ARHGAP33: variants seen among roughly 807,000 people sequenced by gnomAD.
ARHGAP33 encodes Rho GTPase activating protein 33.
In ARHGAP33, 57 loss-of-function variants were observed where a neutral mutation model predicts 126.2. That is an observed-to-expected ratio of 0.45 (90% CI 0.36 to 0.56). The LOEUF (loss-of-function observed/expected upper bound fraction) is 0.56. ARHGAP33 is among the 20% of genes least tolerant of loss of function. ARHGAP33 has a pLI of 0.00. For missense variants in ARHGAP33, 1,500 were observed against 1,748.3 expected (o/e 0.86, Z 2.53); for synonymous variants, 711 against 755.0 (o/e 0.94, Z 0.95).
rs1243743929 is a variant in ARHGAP33, at chr19:35,780,087, G to T, written c.502-124G>T. On this transcript the variant is annotated intron_variant, in intron 6 of 20. Transcript: ENST00000007510. ...CAGGAATCTAGGTGTTTGACCAATAGCTCTGAGTGACAGGGGCTCTTGACG... is the reference window on the plus strand; with the variant it reads ...CAGGAATCTAGGTGTTTGACCAATATCTCTGAGTGACAGGGGCTCTTGACG... 3.7e-6 allele frequency: 5 copies of T among 1,354,890 alleles called. No homozygotes were observed. The South Asian group carries it at 5.1e-5, about 14-fold the overall frequency. The allele number at this position is 1,354,890 out of a possible 1,614,324, so 83.9% of individuals were successfully genotyped here.
chr19:35,780,094 G>A (rs945941269), intron 6 of ARHGAP33, 117 bp from the exon 7 acceptor site: 25 of 1,404,126 alleles, frequency 1.8e-5, no homozygotes, highest in Non-Finnish European at 2.4e-5. Flanking sequence ...ATAGCTCTGA[G>A]TGACAGGGGC....
rs1038112417 is a variant in ARHGAP33, at chr19:35,786,374, C to T, written c.1943-39C>T. 2.7e-6 allele frequency: 4 copies of T among 1,500,152 alleles called. No individual in the cohort carries two copies. The highest frequency in any genetic ancestry group is 3.5e-6 in the Non-Finnish European group (4 of 1,127,640). The allele number at this position is 1,500,152 out of a possible 1,614,324, so 92.9% of individuals were successfully genotyped here. A position where few individuals can be genotyped will look rare whatever the true frequency, so the allele number is the denominator to read the frequency against. ...CCAGCTTTCTGTGGGGCTGTGCGCCCTGTTCTCAGGGATGGTCTCACTGAC... is the reference window on the plus strand; with the variant it reads ...CCAGCTTTCTGTGGGGCTGTGCGCCTTGTTCTCAGGGATGGTCTCACTGAC... On this transcript the variant is annotated intron_variant, in intron 19 of 20. Coordinates refer to ENST00000007510, the MANE Select transcript of ARHGAP33 (RefSeq NM_001366178.1). The surrounding 1 kb of genome is among the most constrained non-coding windows in gnomAD (Gnocchi z 7.0).
chr19:35,782,981 C>T lies in ARHGAP33; in HGVS notation c.1421+112C>T. On this transcript the variant is annotated intron_variant, in intron 15 of 20. Transcript: ENST00000007510. The surrounding 1 kb of genome is among the most constrained non-coding windows in gnomAD (Gnocchi z 4.1). ...TCGAATACGTGTCTATCAAATACCT[C>T]CCATGGACCTGGCCCCGTCCCTAGC... 1 of 931,210 alleles carries T rather than the reference C, an allele frequency of 1.1e-6. No individual in the cohort carries two copies. The highest frequency in any genetic ancestry group is 2.2e-5 in the Admixed American group (1 of 45,892). 57.7% of individuals were successfully genotyped at this position (931,210 alleles called of 1,614,324 possible).
At chr19:35,785,973 G>A (rs556772454) in intron 19 of ARHGAP33, 7 of 1,087,412 alleles carry the variant, frequency 6.4e-6, no homozygotes, top group East Asian at 1.4e-4. Context: ...GCACTGTATG[G>A]GGAGCTTGGC....
Position 35,782,720 on chromosome 19 carries a change from A to G in ARHGAP33, c.1313+41A>G, listed in dbSNP as rs377142482. ...CAGGGCGGGACTTGGTGGGATTCCAAGGGGGTTGAGGCTCAGGTGCCCCCT... is the reference window on the plus strand; with the variant it reads ...CAGGGCGGGACTTGGTGGGATTCCAGGGGGGTTGAGGCTCAGGTGCCCCCT... On this transcript the variant is annotated intron_variant, in intron 14 of 20. Transcript: ENST00000007510. The surrounding 1 kb of genome is among the most constrained non-coding windows in gnomAD (Gnocchi z 4.1). 9.9e-6 allele frequency: 16 copies of G among 1,610,500 alleles called. No individual in the cohort carries two copies. The African/African-American group carries it at 2.0e-4, about 20-fold the overall frequency.
intron 12 of ARHGAP33, among the ~76,000 whole-genome samples, chr19:35,781,803 G>A (rs1971799588): frequency 6.6e-6 from 1 of 152,172 alleles, no homozygotes; most frequent in Non-Finnish European, 1.5e-5. Context: ...TTAGGGTTTT[G>A]GCTTTTACTA....
In ARHGAP33 at chr19:35,788,218, C is replaced by A. The variant is rs780623869; in HGVS notation, c.3653C>A (p.Thr1218Asn). 6.2e-7 allele frequency: 1 copy of A among 1,609,452 alleles called. No individual in the cohort carries two copies. The highest frequency in any genetic ancestry group is 1.1e-5 in the South Asian group (1 of 90,946). Reference sequence around the variant, plus strand: ...CAACGGGCACCCTGGGGACCCCGTACCCCTCATAGGGTGCCGGGTCCCTGG... The same window carrying A: ...CAACGGGCACCCTGGGGACCCCGTAACCCTCATAGGGTGCCGGGTCCCTGG... ...QKQRAPWGPR[T>N]PHRVPGPWGP... is the part of the protein sequence containing the mutation. The change falls in exon 21 of 21, where the codon ACC (threonine) becomes AAC (asparagine). Residue 1218 changes from threonine (T) to asparagine (N), a missense_variant. Physicochemically the swap from Thr to Asn is moderately conservative, Grantham distance 65. This residue lies in a region of ARHGAP33 where 642 missense variants were observed against 634.0 expected (regional missense o/e 1.01). Coordinates refer to ENST00000007510, the MANE Select transcript of ARHGAP33 (RefSeq NM_001366178.1).
chr19:35,784,894 T>C, intron 16 of ARHGAP33, 59 bp from the exon 17 acceptor site: 1 of 1,479,914 alleles, frequency 6.8e-7, no homozygotes, highest in Non-Finnish European at 8.9e-7. Context: ...GCGCTTGGCT[T>C]TGCCTGTGGC....
chr19:35,778,543 G>A lies in ARHGAP33; in HGVS notation c.350G>A (p.Arg117Gln). Residue 117 changes from arginine to glutamine, a missense_variant, in exon 5 of 21, where the codon CGG (arginine) becomes CAG (glutamine). Transcript: ENST00000007510. Reference sequence around the variant, plus strand: ...CACCTCCACCGGTGCATATTTGACCGGAGGTTCTCCTGCCTTCCGGAGCTT... The same window carrying A: ...CACCTCCACCGGTGCATATTTGACCAGAGGTTCTCCTGCCTTCCGGAGCTT... ...DAHLHRCIFD[R>Q]RFSCLPELPP... The A allele has an allele frequency of 3.7e-6, 6 of 1,614,150 alleles. No individual in the cohort carries two copies. Among genetic ancestry groups the A allele is most frequent in the Non-Finnish European group, 4.2e-6 (5 of 1,180,022 alleles).
intron 19 of ARHGAP33, chr19:35,785,902 A>ACTG: frequency 1.8e-6 from 2 of 1,095,356 alleles, no homozygotes; most frequent in Non-Finnish European, 2.2e-6. Context: ...TAAGGATCAT[A>ACTG]CTGCTCAGTT....
intron 3 of ARHGAP33, 95 bp from the exon 4 acceptor site, chr19:35,778,185 C>T (rs1971557612): frequency 7.5e-7 from 1 of 1,339,996 alleles, no homozygotes; most frequent in Non-Finnish European, 1.1e-6. Context: ...CGGGGAGGTC[C>T]AGAAGGGAGT....
Position 35,788,456 on chromosome 19 carries a change from C to CT in ARHGAP33, c.*29dup. On this transcript the variant is annotated 3_prime_UTR_variant, in exon 21 of 21. Transcript: ENST00000007510. ...CACCAGCTGGGAGGGGCCGTCCTTC[C>CT]TTCCCTTCACCCTCACTGGATCTTG... is the stretch of plus-strand genomic sequence containing the variant. 6.7e-7 allele frequency: 1 copy of CT among 1,494,712 alleles called. No homozygotes were observed. Among genetic ancestry groups the CT allele is most frequent in the Non-Finnish European group, 8.9e-7 (1 of 1,120,250 alleles). The allele number at this position is 1,494,712 out of a possible 1,614,324, so 92.6% of individuals were successfully genotyped here. A position where few individuals can be genotyped will look rare whatever the true frequency, so the allele number is the denominator to read the frequency against.
At chr19:35,784,805 C>T (rs1972016151) in intron 16 of ARHGAP33, 148 bp from the exon 17 acceptor site, 6 of 1,373,664 alleles carry the variant, frequency 4.4e-6, no homozygotes, top group Non-Finnish European at 5.6e-6. Flanking sequence ...TGCTGCCCGC[C>T]TGCTCCCGCC....
chr19:35,784,868 C>CG, intron 16 of ARHGAP33, 85 bp from the exon 17 acceptor site: 1 of 1,416,048 alleles, frequency 7.1e-7, no homozygotes, highest in African/African-American at 1.5e-5. Flanking sequence ...GCTGCGGGGC[C>CG]GGGGCTTGGG....
At chr19:35,784,567 G>A (rs966749360) in intron 16 of ARHGAP33, 9 of 1,310,792 alleles carry the variant, frequency 6.9e-6, no homozygotes, top group Middle Eastern at 2.8e-4. Flanking sequence ...TCCTGGGGGC[G>A]CTTGGGGCCA....
In ARHGAP33 at chr19:35,787,040, G is replaced by A; in HGVS notation, c.2570G>A (p.Cys857Tyr). 3.1e-6 allele frequency: 5 copies of A among 1,608,176 alleles called. No homozygotes were observed. Among genetic ancestry groups the A allele is most frequent in the Non-Finnish European group, 3.4e-6 (4 of 1,177,028 alleles). The change falls in exon 20 of 21, where the codon TGC (cysteine) becomes TAC (tyrosine). Residue 857 changes from cysteine (C) to tyrosine (Y), a missense_variant. Cys to Tyr is a radical substitution (Grantham distance 194). Transcript: ENST00000007510. ...PLTDACQQEMCSKLRGAQGPL... is the reference protein window; with the variant it reads ...PLTDACQQEMYSKLRGAQGPL... ...ACTGACGCCTGCCAGCAGGAGATGT[G>A]CAGCAAGCTCCGGGGAGCCCAGGGC...
At position 35,786,022 on chromosome 19, in the gene ARHGAP33, G is replaced by C. The variant is rs1972093454; in HGVS notation, c.1943-391G>C. The C allele has an allele frequency of 5.3e-6, 6 of 1,122,498 alleles. No homozygotes were observed. Among genetic ancestry groups the C allele is most frequent in the Non-Finnish European group, 6.5e-6 (6 of 916,602 alleles). The allele number at this position is 1,122,498 out of a possible 1,614,324, so 69.5% of individuals were successfully genotyped here. A position where few individuals can be genotyped will look rare whatever the true frequency, so the allele number is the denominator to read the frequency against. ...CTACCTCACAGCCCGCCGCGCTGCT[G>C]GGTGCTGCTCTCCGACCTCTGCGGG... is the stretch of plus-strand genomic sequence containing the variant. On this transcript the variant is annotated intron_variant, in intron 19 of 20. Coordinates refer to ENST00000007510, the MANE Select transcript of ARHGAP33 (RefSeq NM_001366178.1). The surrounding 1 kb of genome is among the most constrained non-coding windows in gnomAD (Gnocchi z 7.0).
rs763479735 is a variant in ARHGAP33 at position 35,782,739 on chromosome 19, GC to G, written c.1314-18del. 3 of 1,611,078 alleles carry G rather than the reference GC, an allele frequency of 1.9e-6. No homozygotes were observed. The African/African-American group carries it at 4.0e-5, about 21-fold the overall frequency. On this transcript the variant is annotated intron_variant, in intron 14 of 20. Coordinates refer to ENST00000007510, the MANE Select transcript of ARHGAP33 (RefSeq NM_001366178.1). The surrounding 1 kb of genome is among the most constrained non-coding windows in gnomAD (Gnocchi z 4.1). ...ATTCCAAGGGGGTTGAGGCTCAGGT[GC>G]CCCCTCTGCTCCCACCCCCAGGACC...
chr19:35,783,891 G>C lies in ARHGAP33; in HGVS notation c.1422-281G>C, dbSNP rs75051476. Among the ~76,000 whole-genome samples the C allele has an allele frequency of 4.0e-3, 606 of 149,956 alleles. 31 individuals carry two copies. The East Asian group carries it at 0.11, about 26-fold the overall frequency. On this transcript the variant is annotated intron_variant, in intron 15 of 20. Coordinates refer to ENST00000007510, the MANE Select transcript of ARHGAP33 (RefSeq NM_001366178.1). ...GGAGATGGAGGCTGGGCCAGATGGG[G>C]GGCAGTGGAGGGGGTGACAGATTGA...
Sources: gnomAD v4.1 joint callset for allele counts (sites outside exome capture counted in the v4.1 genomes callset) on GRCh38, gnomAD v4.1.1 for gene constraint, gnomAD v4.1.1 regional missense constraint, Gnocchi (gnomAD v3.1) non-coding constraint, MANE v1.5 for transcripts, NCBI Gene and HGNC (gene_info 2026-07-23, HGNC 2026-07-21) for gene names.